The following GLCCI1 variants were observed in gnomAD, a reference collection of about 807,000 sequenced individuals.
GLCCI1 encodes the protein glucocorticoid-induced transcript 1 protein.
GLCCI1 carries 24 observed loss-of-function variants against 52.2 expected under a neutral mutation model. That is an observed-to-expected ratio of 0.46 (90% confidence interval 0.33 to 0.65). GLCCI1 has a LOEUF of 0.65. Among genes scored for constraint, GLCCI1 ranks in the 30% least tolerant of loss-of-function variants. The pLI, the probability that GLCCI1 is intolerant of heterozygous loss-of-function variation, is 0.02. For missense variants in GLCCI1, 704 were observed against 701.5 expected, an observed-to-expected ratio of 1.00 and a Z score of -0.04; for synonymous variants, 310 against 276.5, an observed-to-expected ratio of 1.12 and a Z score of -1.20.
intron 1 of GLCCI1, among the ~76,000 whole-genome samples, chr7:7,997,630 A>G (rs113378668): frequency 1.1e-4 from 16 of 152,158 alleles, no homozygotes; most frequent in African/African-American, 2.9e-4. Flanking sequence ...TAAAGGTTTT[A>G]TAAAGTAGCT....
At chr7:7,977,502 A>G (rs1343833597) in intron 1 of GLCCI1, among the ~76,000 whole-genome samples, 1 of 152,222 alleles carries the variant, frequency 6.6e-6, no homozygotes, top group Non-Finnish European at 1.5e-5. Context: ...TTCCATAGAC[A>G]TGTCGTAGAG....
Position 8,022,356 on chromosome 7 carries a change from C to T in GLCCI1, c.610-127C>T, listed in dbSNP as rs552692935. 1.1e-3 allele frequency: 414 copies of T among 366,286 alleles called. 6 individuals carry two copies. In the South Asian group the frequency reaches 0.024, roughly 21 times the overall value. The allele number at this position is 366,286 out of a possible 1,614,324, so 22.7% of individuals were successfully genotyped here. A position where few individuals can be genotyped will look rare whatever the true frequency, so the allele number is the denominator to read the frequency against. ...TTTCACGGGGTCACAAAACTCTTAG[C>T]GTTTAAAGGATTTTAGTATAGCTCT... On this transcript the variant is annotated intron_variant, in intron 2 of 7. Transcript: ENST00000223145.
At chr7:7,991,793 A>G (rs542579484) in intron 1 of GLCCI1, among the ~76,000 whole-genome samples, 3 of 152,170 alleles carry the variant, frequency 2.0e-5, no homozygotes, top group East Asian at 1.9e-4. Flanking sequence ...AGGAACTACT[A>G]TTTCTTAATG....
chr7:8,035,215 T>C (rs73242177), intron 3 of GLCCI1, among the ~76,000 whole-genome samples: 1 of 152,290 alleles, frequency 6.6e-6, no homozygotes, highest in African/African-American at 2.4e-5. Flanking sequence ...CACAAAAGTG[T>C]GTGCTGTCCT....
chr7:8,078,464 C>G (rs1052345985), intron 6 of GLCCI1: 1 of 151,860 alleles, frequency 6.6e-6, no homozygotes, highest in African/African-American at 2.4e-5. Context: ...GAATCTGTAC[C>G]CCTAATAAAA....
chr7:8,047,156 T>G (rs1782149254), intron 3 of GLCCI1, among the ~76,000 whole-genome samples: 1 of 152,226 alleles, frequency 6.6e-6, no homozygotes, highest in Non-Finnish European at 1.5e-5. Context: ...AAATCACAGT[T>G]AATGCTCGTA....
Position 8,005,067 on chromosome 7 carries a change from T to G in GLCCI1, c.609+1008T>G, listed in dbSNP as rs1045569933. 5.4e-4 allele frequency among the ~76,000 whole-genome samples: 82 copies of G among 152,260 alleles called. 1 individual carries two copies. Among genetic ancestry groups the G allele is most frequent in the Admixed American group, 5.2e-3 (79 of 15,292 alleles). On this transcript the variant is annotated intron_variant, in intron 2 of 7. Coordinates refer to ENST00000223145, the MANE Select transcript of GLCCI1 (RefSeq NM_138426.4). ...CTACTCTTTTGATTTCCATTCTTCA[T>G]TTAGTGAGGAAGAGGATAAGTTTAA...
intron 1 of GLCCI1, among the ~76,000 whole-genome samples, chr7:7,985,122 T>C (rs1029521718): frequency 2.0e-5 from 3 of 152,186 alleles, no homozygotes; most frequent in Admixed American, 1.3e-4. Context: ...ACAAATATGG[T>C]TAGTGCTGTA....
rs147018661 is a variant in GLCCI1, at chr7:8,066,841, G to A, written c.967-4080G>A. ...TATATTATGTGCCATGTGGTAATGA[G>A]AAGAATGTATATTCTATTGTTTTGG... is the stretch of plus-strand genomic sequence containing the variant. On this transcript the variant is annotated intron_variant, in intron 5 of 7. Transcript: ENST00000223145. Among the ~76,000 whole-genome samples the A allele has an allele frequency of 3.9e-3, 587 of 152,198 alleles. 3 individuals are homozygous for A. The highest frequency in any genetic ancestry group is 0.013 in the African/African-American group (544 of 41,510).
Position 8,004,077 on chromosome 7 carries a change from A to C in GLCCI1, c.609+18A>C, listed in dbSNP as rs1781100592. 6.2e-7 allele frequency: 1 copy of C among 1,609,516 alleles called. No individual in the cohort carries two copies. The highest frequency in any genetic ancestry group is 8.5e-7 in the Non-Finnish European group (1 of 1,177,200). ...CTACTCAGGTAAAATCAGGAAATCAAAATCAGCTTATTACCCTGCACTTCT... is the reference window on the plus strand; with the variant it reads ...CTACTCAGGTAAAATCAGGAAATCACAATCAGCTTATTACCCTGCACTTCT... On this transcript the variant is annotated intron_variant, in intron 2 of 7. Coordinates refer to ENST00000223145, the MANE Select transcript of GLCCI1 (RefSeq NM_138426.4).
chr7:7,977,204 A>G (rs892428468), intron 1 of GLCCI1, among the ~76,000 whole-genome samples: 14 of 152,248 alleles, frequency 9.2e-5, no homozygotes, highest in African/African-American at 2.2e-4. Context: ...TGAACAAGAC[A>G]TAAACGAACT....
intron 3 of GLCCI1, among the ~76,000 whole-genome samples, chr7:8,038,410 A>G (rs1781915950): frequency 6.6e-6 from 1 of 152,078 alleles, no homozygotes; most frequent in African/African-American, 2.4e-5. Flanking sequence ...TGCTACTGGT[A>G]GGATAGCAAA....
chr7:8,038,600 TAACTC>T (rs1378640891), intron 3 of GLCCI1, among the ~76,000 whole-genome samples: 1 of 152,144 alleles, frequency 6.6e-6, no homozygotes, highest in African/African-American at 2.4e-5. Context: ...ATACAAAAAT[TAACTC>T]AAGATGGATT....
chr7:8,023,163 C>A (rs1476333624), intron 3 of GLCCI1, among the ~76,000 whole-genome samples: 6 of 151,792 alleles, frequency 4.0e-5, no homozygotes, highest in Non-Finnish European at 7.4e-5. Flanking sequence ...GTACAGGCAC[C>A]CACCACCACA....
intron 3 of GLCCI1, among the ~76,000 whole-genome samples, chr7:8,041,251 G>A (rs1477618246): frequency 6.6e-6 from 1 of 152,164 alleles, no homozygotes; most frequent in Non-Finnish European, 1.5e-5. Context: ...TCAGAGAAGG[G>A]CCCTAATTCT....
At chr7:8,055,813 C>G (rs1782379307) in intron 4 of GLCCI1, 1 of 222,096 alleles carries the variant, frequency 4.5e-6, no homozygotes, top group African/African-American at 2.3e-5. Flanking sequence ...CAGGGTGAAA[C>G]CGTGTCTCTA....
rs117246307 is a variant in GLCCI1 at position 8,068,219 on chromosome 7, G to A, written c.967-2702G>A. 4.8e-3 allele frequency among the ~76,000 whole-genome samples: 724 copies of A among 152,198 alleles called. 15 individuals are homozygous for A. In the East Asian group the frequency reaches 0.076, roughly 16 times the overall value. On this transcript the variant is annotated intron_variant, in intron 5 of 7. Coordinates refer to ENST00000223145, the MANE Select transcript of GLCCI1 (RefSeq NM_138426.4). ...CAAAACATTAGCCGGTCATCGTGGT[G>A]GGCACCTATAATCCCAGCTACTCAG...
chr7:7,993,454 A>T (rs1049955906), intron 1 of GLCCI1, among the ~76,000 whole-genome samples: 1 of 152,218 alleles, frequency 6.6e-6, no homozygotes, highest in African/African-American at 2.4e-5. Context: ...AGATTTGAGC[A>T]TAGCCATATT....
At position 8,077,543 on chromosome 7, in the gene GLCCI1, T is replaced by A. The variant is rs887617608; in HGVS notation, c.1177+6412T>A. Reference sequence around the variant, plus strand: ...TGCTCTGCCACTTAATTATGTGCCCTTGGACAAGCTACTCAATCGATCTGT... The same window carrying A: ...TGCTCTGCCACTTAATTATGTGCCCATGGACAAGCTACTCAATCGATCTGT... On this transcript the variant is annotated intron_variant, in intron 6 of 7. Coordinates refer to ENST00000223145, the MANE Select transcript of GLCCI1 (RefSeq NM_138426.4). Among the ~76,000 whole-genome samples, 8 of 152,336 alleles carry A rather than the reference T, an allele frequency of 5.3e-5. No individual in the cohort carries two copies. In the South Asian group the frequency reaches 1.7e-3, roughly 32 times the overall value.
Sources: allele counts gnomAD v4.1 joint callset (sites outside exome capture counted in the v4.1 genomes callset), GRCh38; gene constraint gnomAD v4.1.1; transcripts MANE v1.5; gene names NCBI Gene and HGNC (gene_info 2026-07-23, HGNC 2026-07-21).